Variants in KCNIP1 observed in about 807,000 individuals in gnomAD.
KCNIP1 encodes A-type potassium channel modulatory protein KCNIP1.
A neutral mutation model predicts 33.0 loss-of-function variants in KCNIP1; 18 were observed. The observed-to-expected ratio is 0.55, with a 90% CI of 0.38 to 0.81. The LOEUF is 0.81. Among genes scored for constraint, KCNIP1 ranks in the 30% least tolerant of loss-of-function variants. The probability of loss-of-function intolerance (pLI) is 0.00; values close to 1 mark genes in which losing one functional copy is unlikely to be tolerated. For missense variants in KCNIP1, 238 were observed against 271.6 expected, an observed-to-expected ratio of 0.88 and a Z score of 0.87; for synonymous variants, 93 against 98.3, an observed-to-expected ratio of 0.95 and a Z score of 0.32.
In KCNIP1 at chr5:170,732,901, C is replaced by A; in HGVS notation, c.537C>A (p.Phe179Leu). The change falls in exon 6 of 8, where the codon TTC (phenylalanine) becomes TTA (leucine). Residue 179 changes from phenylalanine (F) to leucine (L), a missense_variant. Coordinates refer to ENST00000328939, the MANE Select transcript of KCNIP1 (RefSeq NM_014592.4). ...CAAGGCAGCATGTGGACGTCTTCTT[C>A]CAGGTAAGTGCACACACCCTGCACA... The part of the protein sequence containing the change: ...DTPRQHVDVF[F>L]QKMDKNKDGI... 1 of 1,597,400 alleles carries A rather than the reference C, an allele frequency of 6.3e-7. No homozygotes were observed. Among genetic ancestry groups the A allele is most frequent in the Non-Finnish European group, 8.6e-7 (1 of 1,164,856 alleles).
chr5:170,640,376 G>T (rs904937991), intron 1 of KCNIP1, among the ~76,000 whole-genome samples: 3 of 152,172 alleles, frequency 2.0e-5, no homozygotes, highest in Non-Finnish European at 4.4e-5. Context: ...CATCAGCAGG[G>T]CCTGCAAAAG....
chr5:170,578,803 A>G (rs1757692443), intron 1 of KCNIP1, among the ~76,000 whole-genome samples: 1 of 152,216 alleles, frequency 6.6e-6, no homozygotes, highest in Non-Finnish European at 1.5e-5. Flanking sequence ...AATCTCTCTG[A>G]AAAGAGGATG....
At chr5:170,407,270 C>G (rs1342584487) in intron 1 of KCNIP1, among the ~76,000 whole-genome samples, 1 of 152,182 alleles carries the variant, frequency 6.6e-6, no homozygotes, top group Admixed American at 6.5e-5. Context: ...CATCATGTTG[C>G]GTAACAAGAA....
chr5:170,693,609 C>T (rs554536643), intron 1 of KCNIP1, among the ~76,000 whole-genome samples: 3 of 152,204 alleles, frequency 2.0e-5, no homozygotes, highest in Non-Finnish European at 4.4e-5. Context: ...TTTACCGAAT[C>T]AAACACCTGA....
chr5:170,397,788 G>T (rs1754799609), intron 1 of KCNIP1, among the ~76,000 whole-genome samples: 1 of 152,150 alleles, frequency 6.6e-6, no homozygotes, highest in African/African-American at 2.4e-5. Flanking sequence ...TGCCCAAGGT[G>T]GTCAGGGCAC....
At chr5:170,488,912 C>T (rs1412926494) in intron 1 of KCNIP1, among the ~76,000 whole-genome samples, 4 of 152,096 alleles carry the variant, frequency 2.6e-5, no homozygotes, top group Admixed American at 6.5e-5. Flanking sequence ...TTAAGATTCC[C>T]GGTGACGGTG....
At chr5:170,530,955 G>A (rs113012859) in intron 1 of KCNIP1, among the ~76,000 whole-genome samples, 1,761 of 152,296 alleles carry the variant, frequency 0.012, 29 homozygotes, top group African/African-American at 0.039. Flanking sequence ...TGTTCTAGCT[G>A]GGGTGGCCTC....
chr5:170,691,008 A>G (rs1003474638), intron 1 of KCNIP1, among the ~76,000 whole-genome samples: 2 of 152,258 alleles, frequency 1.3e-5, no homozygotes, highest in Non-Finnish European at 2.9e-5. Context: ...TAAAGCCTTT[A>G]TGCTTCATAA....
intron 1 of KCNIP1, among the ~76,000 whole-genome samples, chr5:170,436,843 G>A (rs1755876237): frequency 6.6e-6 from 1 of 152,128 alleles, no homozygotes; most frequent in Admixed American, 6.5e-5. Context: ...CCCCATAACA[G>A]CCCCATAAGT....
At chr5:170,694,832 A>G (rs187173863) in intron 1 of KCNIP1, among the ~76,000 whole-genome samples, 1 of 152,350 alleles carries the variant, frequency 6.6e-6, no homozygotes, top group African/African-American at 2.4e-5. Flanking sequence ...ACAAAGGTCC[A>G]TGAGCTCTGT....
At chr5:170,689,742 A>G (rs1762657964) in intron 1 of KCNIP1, among the ~76,000 whole-genome samples, 1 of 152,238 alleles carries the variant, frequency 6.6e-6, no homozygotes, top group Non-Finnish European at 1.5e-5. Context: ...TCAGGAAAAG[A>G]CAAGACATTT....
chr5:170,654,329 G>C (rs551538960), intron 1 of KCNIP1, among the ~76,000 whole-genome samples: 2 of 152,210 alleles, frequency 1.3e-5, no homozygotes, highest in Non-Finnish European at 2.9e-5. Flanking sequence ...GATGCTCCAA[G>C]CGGTAAAATG....
chr5:170,503,947 C>T, upstream of KCNIP1: 1 of 413,482 alleles, frequency 2.4e-6, no homozygotes, highest in African/African-American at 2.2e-5. Context: ...CCCCACCGTG[C>T]AGCCCTCGCC....
intron 1 of KCNIP1, among the ~76,000 whole-genome samples, chr5:170,535,788 T>G (rs1332620453): frequency 1.3e-5 from 2 of 152,234 alleles, no homozygotes; most frequent in Non-Finnish European, 2.9e-5. Context: ...AATCTACTTT[T>G]GAGGGAAAAA....
intron 1 of KCNIP1, among the ~76,000 whole-genome samples, chr5:170,575,864 A>C (rs777203328): frequency 6.6e-6 from 1 of 152,228 alleles, no homozygotes; most frequent in Non-Finnish European, 1.5e-5. Flanking sequence ...TTAGGTGGAA[A>C]ACTTTTTTTT....
intron 1 of KCNIP1, among the ~76,000 whole-genome samples, chr5:170,640,276 TAG>T (rs1415917581): frequency 1.3e-5 from 2 of 152,088 alleles, no homozygotes; most frequent in Admixed American, 6.5e-5. Flanking sequence ...TGGTAGGCAG[TAG>T]AGAGTCACAA....
intron 1 of KCNIP1, among the ~76,000 whole-genome samples, chr5:170,582,059 A>G (rs1240792107): frequency 1.3e-5 from 2 of 152,234 alleles, no homozygotes; most frequent in African/African-American, 4.8e-5. Context: ...CAAACCATTT[A>G]TGGAGAATCC....
At position 170,674,676 on chromosome 5, in the gene KCNIP1, G is replaced by A. The variant is rs565663825; in HGVS notation, c.62-44082G>A. On this transcript the variant is annotated intron_variant, in intron 1 of 7. Coordinates refer to ENST00000328939, the MANE Select transcript of KCNIP1 (RefSeq NM_014592.4). ...TTTATCCCAAAGGACATGGAATCCTGGAAGCAGGGTTCAAGATCCTCCCAA... is the reference window on the plus strand; with the variant it reads ...TTTATCCCAAAGGACATGGAATCCTAGAAGCAGGGTTCAAGATCCTCCCAA... 3.3e-5 allele frequency among the ~76,000 whole-genome samples: 5 copies of A among 152,300 alleles called. No homozygotes were observed. The South Asian group carries it at 1.0e-3, about 32-fold the overall frequency.
chr5:170,691,182 C>A (rs1034417367), intron 1 of KCNIP1, among the ~76,000 whole-genome samples: 1 of 152,156 alleles, frequency 6.6e-6, no homozygotes, highest in Admixed American at 6.5e-5. Context: ...TGCACTGGCC[C>A]CAAGCCATAA....
Sources: allele counts gnomAD v4.1 joint callset (sites outside exome capture counted in the v4.1 genomes callset), GRCh38; gene constraint gnomAD v4.1.1; transcripts MANE v1.5; gene names NCBI Gene and HGNC (gene_info 2026-07-23, HGNC 2026-07-21).